Variants in SUSD6 observed in about 807,000 individuals in gnomAD.
SUSD6 encodes sushi domain containing 6, also known as sushi domain-containing protein 6.
SUSD6 carries 16 observed loss-of-function variants against 28.4 expected under a neutral mutation model. The ratio of observed to expected loss-of-function variants is 0.56; its 90% CI spans 0.38 to 0.86. The LOEUF is 0.86. Among genes scored for constraint, SUSD6 ranks in the 40% least tolerant of loss-of-function variants. The pLI is 0.00. For missense variants in SUSD6, 341 were observed against 384.2 expected (o/e 0.89, Z 0.94); for synonymous variants, 147 against 159.6 (o/e 0.92, Z 0.59).
chr14:69,706,154 G>T (rs1886384019), intron 4 of SUSD6, among the ~76,000 whole-genome samples: 1 of 152,124 alleles, frequency 6.6e-6, no homozygotes, highest in African/African-American at 2.4e-5. Context: ...ATTTTTAAAG[G>T]CTATTAATTA....
intron 1 of SUSD6, among the ~76,000 whole-genome samples, chr14:69,616,616 A>G (rs1417814669): frequency 1.3e-5 from 2 of 152,216 alleles, no homozygotes; most frequent in Non-Finnish European, 2.9e-5. Context: ...ATAGCAGTCT[A>G]TGCAAACTGT....
At chr14:69,689,675 G>T (rs1055468405) in intron 2 of SUSD6, among the ~76,000 whole-genome samples, 2 of 152,142 alleles carry the variant, frequency 1.3e-5, no homozygotes, top group African/African-American at 4.8e-5. Context: ...TTAAAAATTT[G>T]TTTAATTTTT....
chr14:69,680,001 G>T (rs906393546), intron 2 of SUSD6, among the ~76,000 whole-genome samples: 1 of 152,196 alleles, frequency 6.6e-6, no homozygotes, highest in East Asian at 1.9e-4. Flanking sequence ...TGGAAGGGCA[G>T]TATGTGGGAA....
At chr14:69,660,236 C>T (rs74060258) in intron 2 of SUSD6, among the ~76,000 whole-genome samples, 4,218 of 152,280 alleles carry the variant, frequency 0.028, 204 homozygotes, top group African/African-American at 0.096. Flanking sequence ...CAGATAATGG[C>T]ACAGTCTCAG....
At chr14:69,632,514 C>T (rs1885210153) in intron 1 of SUSD6, among the ~76,000 whole-genome samples, 1 of 152,146 alleles carries the variant, frequency 6.6e-6, no homozygotes, top group African/African-American at 2.4e-5. Flanking sequence ...GCCAGTAAAA[C>T]TTCAGTGCAG....
chr14:69,685,823 C>T (rs995964393), intron 2 of SUSD6, among the ~76,000 whole-genome samples: 8 of 152,194 alleles, frequency 5.3e-5, no homozygotes, highest in Non-Finnish European at 1.0e-4. Flanking sequence ...TGGGAACAAC[C>T]TGTACTCTGG....
chr14:69,624,781 T>G (rs1885091721), intron 1 of SUSD6, among the ~76,000 whole-genome samples: 1 of 152,184 alleles, frequency 6.6e-6, no homozygotes, highest in Non-Finnish European at 1.5e-5. Flanking sequence ...ATTTGTAGGA[T>G]AGAAATGATG....
At chr14:69,657,087 A>G (rs138671982) in intron 1 of SUSD6, among the ~76,000 whole-genome samples, 42 of 152,340 alleles carry the variant, frequency 2.8e-4, no homozygotes, top group African/African-American at 9.9e-4. Flanking sequence ...GACAGAGACA[A>G]CTTACGTTGC....
intron 2 of SUSD6, among the ~76,000 whole-genome samples, chr14:69,698,963 A>G (rs60897990): frequency 0.13 from 19,928 of 152,238 alleles, 3,248 homozygotes; most frequent in African/African-American, 0.39. Context: ...AGTTAAGTAC[A>G]GAGCTTCCTT....
At chr14:69,669,734 T>G (rs1885801940) in intron 2 of SUSD6, among the ~76,000 whole-genome samples, 1 of 152,210 alleles carries the variant, frequency 6.6e-6, no homozygotes, top group Non-Finnish European at 1.5e-5. Context: ...CAACTTAGCT[T>G]CTTCTGTGGA....
chr14:69,631,254 A>C (rs1043930799), intron 1 of SUSD6, among the ~76,000 whole-genome samples: 2 of 152,258 alleles, frequency 1.3e-5, no homozygotes, highest in African/African-American at 2.4e-5. Flanking sequence ...GCATAGCTGC[A>C]AGCAGCAGGG....
intron 2 of SUSD6, among the ~76,000 whole-genome samples, chr14:69,663,490 C>A (rs1255949884): frequency 6.6e-6 from 1 of 152,214 alleles, no homozygotes; most frequent in Non-Finnish European, 1.5e-5. Flanking sequence ...GCAGGTGGCC[C>A]TGGCTCACCT....
At chr14:69,619,131 C>G (rs1884999445) in intron 1 of SUSD6, among the ~76,000 whole-genome samples, 1 of 152,204 alleles carries the variant, frequency 6.6e-6, no homozygotes, top group African/African-American at 2.4e-5. Context: ...GTTTCTCCCC[C>G]TCTTCTGGGC....
At chr14:69,682,497 G>A (rs1039002166) in intron 2 of SUSD6, among the ~76,000 whole-genome samples, 1 of 151,896 alleles carries the variant, frequency 6.6e-6, no homozygotes, top group Non-Finnish European at 1.5e-5. Flanking sequence ...AACAATCCTT[G>A]TAATCAAACC....
intron 1 of SUSD6, among the ~76,000 whole-genome samples, chr14:69,630,765 T>C (rs1269760483): frequency 1.3e-5 from 2 of 152,248 alleles, no homozygotes; most frequent in African/African-American, 4.8e-5. Context: ...TAATATGCAA[T>C]GTATCCATCT....
intron 1 of SUSD6, among the ~76,000 whole-genome samples, chr14:69,618,688 T>A (rs113426151): frequency 0.015 from 2,352 of 152,328 alleles, 24 homozygotes; most frequent in Middle Eastern, 0.037. Context: ...CTCCTGTGTG[T>A]GTGTGTGTAA....
At chr14:69,637,238 C>T (rs897190848) in intron 1 of SUSD6, among the ~76,000 whole-genome samples, 1 of 152,148 alleles carries the variant, frequency 6.6e-6, no homozygotes, top group African/African-American at 2.4e-5. Flanking sequence ...GCCGCTTGCC[C>T]CATACTTGTG....
intron 1 of SUSD6, among the ~76,000 whole-genome samples, chr14:69,656,892 A>T (rs1355351602): frequency 6.6e-6 from 1 of 152,122 alleles, no homozygotes; most frequent in Non-Finnish European, 1.5e-5. Flanking sequence ...TCACTCACAG[A>T]CTCCATCCCA....
At chr14:69,695,532 T>G (rs529799884) in intron 2 of SUSD6, among the ~76,000 whole-genome samples, 3 of 152,060 alleles carry the variant, frequency 2.0e-5, no homozygotes, top group Non-Finnish European at 2.9e-5. Context: ...AGGCCCAGAG[T>G]CTACGGGCAG....
Sources: gnomAD v4.1 joint callset for allele counts (sites outside exome capture counted in the v4.1 genomes callset) on GRCh38, gnomAD v4.1.1 for gene constraint, MANE v1.5 for transcripts, NCBI Gene and HGNC (gene_info 2026-07-23, HGNC 2026-07-21) for gene names.